PTPRM: variants seen among roughly 807,000 people sequenced by gnomAD.
PTPRM encodes the protein receptor-type tyrosine-protein phosphatase mu.
In PTPRM, 47 loss-of-function variants were observed where a neutral mutation model predicts 186.7. That is an observed-to-expected ratio of 0.25 (90% confidence interval 0.20 to 0.32). The LOEUF (loss-of-function observed/expected upper bound fraction) is 0.32. Ranked by LOEUF, PTPRM falls within the 10% of genes least tolerant of loss-of-function variation. PTPRM has a pLI of 1.00. For missense variants in PTPRM, 1,494 were observed against 1,865.0 expected, an observed-to-expected ratio of 0.80 and a Z score of 3.66; for synonymous variants, 668 against 674.9, an observed-to-expected ratio of 0.99 and a Z score of 0.16.
At chr18:8,092,069 T>A (rs867328656) in intron 11 of PTPRM, among the ~76,000 whole-genome samples, 10 of 152,300 alleles carry the variant, frequency 6.6e-5, no homozygotes, top group Middle Eastern at 3.4e-3. Flanking sequence ...GATTTTTTTT[T>A]TAATCCGTAT....
chr18:8,101,325 T>C (rs1339061818), intron 11 of PTPRM, among the ~76,000 whole-genome samples: 1 of 152,188 alleles, frequency 6.6e-6, no homozygotes, highest in African/African-American at 2.4e-5. Context: ...AACACAGATG[T>C]TATCTGTTCA....
chr18:7,893,471 C>T (rs1299254110), intron 3 of PTPRM, among the ~76,000 whole-genome samples: 2 of 152,164 alleles, frequency 1.3e-5, no homozygotes. Flanking sequence ...TAAATCTCCA[C>T]TCTCCTAAAA....
At chr18:7,901,928 A>T (rs1322308373) in intron 3 of PTPRM, among the ~76,000 whole-genome samples, 5 of 152,230 alleles carry the variant, frequency 3.3e-5, no homozygotes, top group Non-Finnish European at 5.9e-5. Context: ...AAGTCCCTTA[A>T]CAAGTTTCTA....
At chr18:8,238,874 T>C (rs573293257) in intron 14 of PTPRM, among the ~76,000 whole-genome samples, 4 of 151,626 alleles carry the variant, frequency 2.6e-5, no homozygotes, top group Non-Finnish European at 5.9e-5. Context: ...CCACCGTTAG[T>C]TGGGATAGGA....
At chr18:8,114,428 G>T (rs968876210) in intron 12 of PTPRM, among the ~76,000 whole-genome samples, 1 of 151,994 alleles carries the variant, frequency 6.6e-6, no homozygotes, top group Admixed American at 6.6e-5. Context: ...GACTTTTGCC[G>T]GTGTAAAGGG....
At chr18:8,318,262 T>G (rs1205372374) in intron 21 of PTPRM, among the ~76,000 whole-genome samples, 2 of 150,850 alleles carry the variant, frequency 1.3e-5, no homozygotes, top group African/African-American at 4.9e-5. Flanking sequence ...CAGATACTTA[T>G]CCTACAATTT....
intron 1 of PTPRM, among the ~76,000 whole-genome samples, chr18:7,637,821 A>G (rs2038354983): frequency 6.6e-6 from 1 of 152,222 alleles, no homozygotes; most frequent in Admixed American, 6.5e-5. Flanking sequence ...ATGCGTTTAC[A>G]ACTTTTGAAA....
chr18:7,672,931 G>C (rs553039823), intron 1 of PTPRM, among the ~76,000 whole-genome samples: 1 of 152,316 alleles, frequency 6.6e-6, no homozygotes, highest in Non-Finnish European at 1.5e-5. Flanking sequence ...GTGACTGAGT[G>C]CCATCTTAAT....
At chr18:8,098,622 A>C (rs532646148) in intron 11 of PTPRM, among the ~76,000 whole-genome samples, 1 of 152,218 alleles carries the variant, frequency 6.6e-6, no homozygotes, top group African/African-American at 2.4e-5. Context: ...TTTTTTAATA[A>C]GAAGAGTAAT....
chr18:7,717,169 A>C (rs188293496), intron 1 of PTPRM, among the ~76,000 whole-genome samples: 277 of 152,214 alleles, frequency 1.8e-3, no homozygotes, highest in Non-Finnish European at 3.3e-3. Flanking sequence ...CAAGTTGAAA[A>C]ACCTGAAACT....
At chr18:7,649,937 AT>A (rs202007025) in intron 1 of PTPRM, among the ~76,000 whole-genome samples, 2,606 of 152,158 alleles carry the variant, frequency 0.017, 79 homozygotes, top group African/African-American at 0.059. Flanking sequence ...AGGTATGTAC[AT>A]TTTTTTAAAG....
chr18:7,943,483 C>A (rs2052325487), intron 5 of PTPRM, among the ~76,000 whole-genome samples: 1 of 152,154 alleles, frequency 6.6e-6, no homozygotes, highest in Non-Finnish European at 1.5e-5. Context: ...TGGACACCTT[C>A]AAAAAGCCAC....
At chr18:7,924,059 TA>T (rs1377364709) in intron 4 of PTPRM, among the ~76,000 whole-genome samples, 1 of 152,206 alleles carries the variant, frequency 6.6e-6, no homozygotes, top group Non-Finnish European at 1.5e-5. Flanking sequence ...GAGCAAACTA[TA>T]AACTCAGATT....
chr18:7,835,545 T>C (rs1387938004), intron 2 of PTPRM, among the ~76,000 whole-genome samples: 1 of 152,154 alleles, frequency 6.6e-6, no homozygotes, highest in Non-Finnish European at 1.5e-5. Context: ...AAAGAATGTG[T>C]ATTCTGCAGC....
At chr18:7,796,366 T>C (rs1170971476) in intron 2 of PTPRM, among the ~76,000 whole-genome samples, 1 of 152,102 alleles carries the variant, frequency 6.6e-6, no homozygotes, top group African/African-American at 2.4e-5. Flanking sequence ...GCGTAACCTA[T>C]AAGAGTAAAC....
intron 1 of PTPRM, among the ~76,000 whole-genome samples, chr18:7,712,400 G>C (rs567733999): frequency 5.9e-5 from 9 of 152,196 alleles, no homozygotes; most frequent in African/African-American, 1.9e-4. Context: ...CATGAAGATG[G>C]GGAGAAACCA....
intron 22 of PTPRM, among the ~76,000 whole-genome samples, chr18:8,340,244 T>C (rs1340726214): frequency 6.6e-6 from 1 of 151,770 alleles, no homozygotes; most frequent in Non-Finnish European, 1.5e-5. Flanking sequence ...CTGCCTGTAC[T>C]TTTTTTTTCT....
intron 13 of PTPRM, among the ~76,000 whole-genome samples, chr18:8,128,370 A>G (rs551991307): frequency 6.6e-6 from 1 of 152,328 alleles, no homozygotes; most frequent in South Asian, 2.1e-4. Flanking sequence ...CAGCTACGGA[A>G]GTTAATATAG....
At chr18:7,785,419 G>GA (rs1159213915) in intron 2 of PTPRM, among the ~76,000 whole-genome samples, 1 of 151,928 alleles carries the variant, frequency 6.6e-6, no homozygotes, top group Admixed American at 6.6e-5. Context: ...TATCTTTGCA[G>GA]AAAAAAGTGT....
Sources: allele counts gnomAD v4.1 joint callset (sites outside exome capture counted in the v4.1 genomes callset), GRCh38; gene constraint gnomAD v4.1.1; transcripts MANE v1.5; gene names NCBI Gene and HGNC (gene_info 2026-07-23, HGNC 2026-07-21).